PACRG: variants seen among roughly 807,000 people sequenced by gnomAD.
The protein encoded by PACRG is parkin coregulated.
In PACRG, 29 loss-of-function variants were observed where a neutral mutation model predicts 29.7. That is an observed-to-expected ratio of 0.98 (90% CI 0.73 to 1.33). The LOEUF is 1.33. PACRG is among the 40% of genes most tolerant of loss of function. The probability of loss-of-function intolerance (pLI) is 0.00; values close to 1 mark genes in which losing one functional copy is unlikely to be tolerated. For missense variants in PACRG, 279 were observed against 316.2 expected (o/e 0.88, Z 0.89); for synonymous variants, 116 against 118.7 (o/e 0.98, Z 0.15).
rs545412825 is a variant in PACRG at position 162,829,278 on chromosome 6, A to C, written c.291+14997A>C. ...GCAGGCAAGGCCTGGCCTGCAGGGA[A>C]GACACATTCAGATGGAGTCACAGCT... is the stretch of plus-strand genomic sequence containing the variant. On this transcript the variant is annotated intron_variant, in intron 2 of 4. Transcript: ENST00000366888. Among the ~76,000 whole-genome samples, 6 of 152,374 alleles carry C rather than the reference A, an allele frequency of 3.9e-5. No homozygotes were observed. The South Asian group carries it at 1.0e-3, about 26-fold the overall frequency.
chr6:163,102,558 G>A (rs890215365), intron 4 of PACRG, among the ~76,000 whole-genome samples: 37 of 152,290 alleles, frequency 2.4e-4, no homozygotes, highest in East Asian at 2.1e-3. Flanking sequence ...AAATTTCTAA[G>A]AGTATTTTTT....
intron 1 of PACRG, among the ~76,000 whole-genome samples, chr6:162,780,003 A>C (rs1170478298): frequency 6.6e-6 from 1 of 152,332 alleles, no homozygotes; most frequent in East Asian, 1.9e-4. Flanking sequence ...AATTCAAGGA[A>C]GTTAAGTCGG....
rs9347734 is a variant in PACRG, at chr6:163,264,171, T to G, written c.614-50656T>G. Among the ~76,000 whole-genome samples the G allele has an allele frequency of 1.4e-3, 211 of 152,320 alleles. 2 individuals carry two copies. The East Asian group carries it at 0.033, about 24-fold the overall frequency. ...CTGTTAGATCATCGGGGAATGTAACTTCTCACGTCGAATCATTCAGAGTTG... is the reference window on the plus strand; with the variant it reads ...CTGTTAGATCATCGGGGAATGTAACGTCTCACGTCGAATCATTCAGAGTTG... On this transcript the variant is annotated intron_variant, in intron 4 of 4. Coordinates refer to ENST00000366888, the MANE Select transcript of PACRG (RefSeq NM_001080379.2).
At chr6:162,852,852 T>C (rs917718489) in intron 2 of PACRG, among the ~76,000 whole-genome samples, 2 of 152,222 alleles carry the variant, frequency 1.3e-5, no homozygotes, top group Non-Finnish European at 2.9e-5. Flanking sequence ...ATAATTCTTT[T>C]TAGTGATCTC....
chr6:163,006,138 TTATTATATATAATA>T lies in PACRG; in HGVS notation c.292-55995_292-55982del, dbSNP rs1282224139. Among the ~76,000 whole-genome samples the T allele has an allele frequency of 2.1e-4, 30 of 141,072 alleles. 1 individual carries two copies. The highest frequency in any genetic ancestry group is 1.3e-3 in the South Asian group (6 of 4,680). The allele number at this position is 141,072 out of a possible 152,430, so 92.5% of individuals were successfully genotyped here. A position where few individuals can be genotyped will look rare whatever the true frequency, so the allele number is the denominator to read the frequency against. On this transcript the variant is annotated intron_variant, in intron 2 of 4. Coordinates refer to ENST00000366888, the MANE Select transcript of PACRG (RefSeq NM_001080379.2). ...AAACAAAACCCATATATATTATATATTATTATATATAATATATTATATATAATATAAAACATACA... is the reference window on the plus strand; with the variant it reads ...AAACAAAACCCATATATATTATATATTATTATATATAATATAAAACATACA...
intron 4 of PACRG, among the ~76,000 whole-genome samples, chr6:163,135,532 T>C (rs574671945): frequency 6.6e-6 from 1 of 152,344 alleles, no homozygotes; most frequent in Non-Finnish European, 1.5e-5. Context: ...TGCATAAATA[T>C]ACCCCAATTT....
intron 2 of PACRG, among the ~76,000 whole-genome samples, chr6:162,861,661 C>T (rs1791872542): frequency 6.6e-6 from 1 of 152,178 alleles, no homozygotes; most frequent in South Asian, 2.1e-4. Flanking sequence ...TCACCACCCA[C>T]CTCTCATTAT....
intron 2 of PACRG, among the ~76,000 whole-genome samples, chr6:162,826,656 T>C (rs1240756982): frequency 2.0e-5 from 3 of 151,812 alleles, no homozygotes; most frequent in African/African-American, 7.3e-5. Context: ...AGAGACGGGG[T>C]TTCTCCACGT....
intron 3 of PACRG, among the ~76,000 whole-genome samples, chr6:163,080,191 C>T (rs911905696): frequency 6.6e-6 from 1 of 152,090 alleles, no homozygotes; most frequent in Non-Finnish European, 1.5e-5. Flanking sequence ...AGCCACTGTG[C>T]CCGGCCCTAG....
chr6:162,922,546 CA>C (rs1225370312), intron 2 of PACRG, among the ~76,000 whole-genome samples: 12 of 151,958 alleles, frequency 7.9e-5, no homozygotes, highest in Non-Finnish European at 5.9e-5. Flanking sequence ...ATCCCTTAAG[CA>C]GCCCCTCCTT....
At chr6:163,247,519 T>C (rs1782739762) in intron 4 of PACRG, among the ~76,000 whole-genome samples, 1 of 152,208 alleles carries the variant, frequency 6.6e-6, no homozygotes, top group African/African-American at 2.4e-5. Flanking sequence ...GATTGTGAAG[T>C]TCAGGAGTTG....
intron 2 of PACRG, among the ~76,000 whole-genome samples, chr6:163,041,385 CT>C (rs997295024): frequency 1.5e-4 from 23 of 152,040 alleles, no homozygotes; most frequent in Non-Finnish European, 2.5e-4. Flanking sequence ...AGGGAGGGAC[CT>C]GGTGGGAGGT....
intron 3 of PACRG, among the ~76,000 whole-genome samples, chr6:163,079,693 G>T (rs192018059): frequency 6.6e-6 from 1 of 152,016 alleles, no homozygotes; most frequent in African/African-American, 2.4e-5. Flanking sequence ...GTCAGGCTTA[G>T]CAGTGTGTAG....
At chr6:163,218,867 C>T (rs1467886148) in intron 4 of PACRG, among the ~76,000 whole-genome samples, 1 of 152,354 alleles carries the variant, frequency 6.6e-6, no homozygotes, top group African/African-American at 2.4e-5. Context: ...GGTCACTTGA[C>T]AATGTCTGAA....
Position 162,849,716 on chromosome 6 carries a change from A to T in PACRG, c.291+35435A>T, listed in dbSNP as rs1584536365. Among the ~76,000 whole-genome samples, 2 of 152,378 alleles carry T rather than the reference A, an allele frequency of 1.3e-5. 1 individual carries two copies. The highest frequency in any genetic ancestry group is 4.1e-4 in the South Asian group (2 of 4,832). ...TTTAGTATTTGCAATTATTAAAATC[A>T]TAGTGGCAAATTAGACTATAACTTG... On this transcript the variant is annotated intron_variant, in intron 2 of 4. Coordinates refer to ENST00000366888, the MANE Select transcript of PACRG (RefSeq NM_001080379.2).
In PACRG at chr6:163,080,002, A is replaced by G. The variant is rs1241974651; in HGVS notation, c.464-9257A>G. 1.5e-4 allele frequency among the ~76,000 whole-genome samples: 20 copies of G among 137,658 alleles called. No individual in the cohort carries two copies. In the Admixed American group the frequency reaches 1.7e-3, roughly 12 times the overall value. 90.3% of individuals were successfully genotyped at this position (137,658 alleles called of 152,430 possible). ...AACCTCTGCCTCCCGGGTGCATTCC[A>G]TTCTCCTGCCTCAGCCTCCCTTAGT... On this transcript the variant is annotated intron_variant, in intron 3 of 4. Transcript: ENST00000366888.
intron 1 of PACRG, among the ~76,000 whole-genome samples, chr6:162,746,658 G>A (rs1011333701): frequency 2.0e-5 from 3 of 152,194 alleles, no homozygotes; most frequent in Non-Finnish European, 4.4e-5. Context: ...AGCATAAATA[G>A]CCAGTGTCTT....
intron 1 of PACRG, among the ~76,000 whole-genome samples, chr6:162,809,730 A>C (rs1786669166): frequency 6.6e-6 from 1 of 152,186 alleles, no homozygotes; most frequent in Non-Finnish European, 1.5e-5. Flanking sequence ...CAACTCAGTA[A>C]GTGGGAGGCT....
chr6:163,112,621 A>G (rs1815775409), intron 4 of PACRG, among the ~76,000 whole-genome samples: 1 of 152,132 alleles, frequency 6.6e-6, no homozygotes, highest in African/African-American at 2.4e-5. Flanking sequence ...AAGCAATCAC[A>G]TGTGCAAAGG....
Sources: allele counts gnomAD v4.1 joint callset (sites outside exome capture counted in the v4.1 genomes callset), GRCh38; gene constraint gnomAD v4.1.1; transcripts MANE v1.5; gene names NCBI Gene and HGNC (gene_info 2026-07-23, HGNC 2026-07-21).